ARK2C: variants seen among roughly 807,000 people sequenced by gnomAD.
The protein encoded by ARK2C is arkadia (RNF111) C-terminal like ring finger ubiquitin ligase 2C.
chr18:46,422,475 G>C, the ARK2C span, among the ~76,000 whole-genome samples: 9 of 152,234 alleles, frequency 5.9e-5, no homozygotes, highest in African/African-American at 1.9e-4. Flanking sequence ...ATGTTGAGTA[G>C]AACGTGAAGT....
At chr18:46,336,376 C>T in the ARK2C span, 31 of 972,500 alleles carry the variant, frequency 3.2e-5, no homozygotes, top group East Asian at 1.2e-4. Context: ...CTCCCTCACC[C>T]CCCCCAACAA....
At chr18:46,435,486 C>G in the ARK2C span, 1 of 1,021,918 alleles carries the variant, frequency 9.8e-7, no homozygotes, top group Non-Finnish European at 1.5e-6. Context: ...TTTTCCTTCA[C>G]TTTGAATGGC....
At chr18:46,397,394 G>A in the ARK2C span, among the ~76,000 whole-genome samples, 5 of 151,566 alleles carry the variant, frequency 3.3e-5, no homozygotes, top group Non-Finnish European at 5.9e-5. Context: ...TGGTCATGCT[G>A]AGGTGTGAGG....
chr18:46,381,524 A>G, the ARK2C span, among the ~76,000 whole-genome samples: 1 of 152,132 alleles, frequency 6.6e-6, no homozygotes, highest in African/African-American at 2.4e-5. Flanking sequence ...TCCTGGAGGG[A>G]AAAACATCCT....
chr18:46,419,051 C>G, the ARK2C span, among the ~76,000 whole-genome samples: 1 of 152,220 alleles, frequency 6.6e-6, no homozygotes, highest in Non-Finnish European at 1.5e-5. Context: ...AGTGGGAACG[C>G]TATTACTGGA....
the ARK2C span, among the ~76,000 whole-genome samples, chr18:46,413,027 T>C: frequency 6.6e-6 from 1 of 152,070 alleles, no homozygotes; most frequent in African/African-American, 2.4e-5. Context: ...CTGGAGGAGT[T>C]CCAGGAGTCT....
the ARK2C span, among the ~76,000 whole-genome samples, chr18:46,353,083 C>T: frequency 9.9e-5 from 15 of 152,192 alleles, no homozygotes; most frequent in Admixed American, 7.2e-4. Context: ...CGGCCTGTGG[C>T]GATTGGATGT....
At chr18:46,443,098 T>C in the ARK2C span, among the ~76,000 whole-genome samples, 5 of 152,312 alleles carry the variant, frequency 3.3e-5, no homozygotes, top group East Asian at 3.8e-4. Context: ...TGTCTGTTAA[T>C]TGGGGTGTCT....
chr18:46,348,900 CTGTGTGTGTGTGTG>C, the ARK2C span, among the ~76,000 whole-genome samples: 103 of 144,688 alleles, frequency 7.1e-4, 4 homozygotes, highest in East Asian at 0.011. Flanking sequence ...CTCTCTCTTT[CTGTGTGTGTGTGTG>C]TGTGTGTGTG....
the ARK2C span, among the ~76,000 whole-genome samples, chr18:46,357,218 C>T: frequency 2.6e-5 from 4 of 152,318 alleles, no homozygotes; most frequent in South Asian, 4.1e-4. Context: ...TTCCTCCCAC[C>T]TCACCCTTGC....
chr18:46,404,838 A>G, the ARK2C span, among the ~76,000 whole-genome samples: 1 of 152,054 alleles, frequency 6.6e-6, no homozygotes, highest in Admixed American at 6.6e-5. Flanking sequence ...AAACAACTCA[A>G]TGAAGTAGGG....
chr18:46,338,807 A>G, the ARK2C span, among the ~76,000 whole-genome samples: 1 of 152,202 alleles, frequency 6.6e-6, no homozygotes, highest in Non-Finnish European at 1.5e-5. Context: ...TCAAAGGGTC[A>G]TCATTTTGGA....
At chr18:46,400,938 T>G in the ARK2C span, among the ~76,000 whole-genome samples, 1 of 151,870 alleles carries the variant, frequency 6.6e-6, no homozygotes. Flanking sequence ...CAGGTGGAAG[T>G]GGTGGGAGAT....
the ARK2C span, chr18:46,450,590 T>C: frequency 3.5e-6 from 3 of 864,640 alleles, no homozygotes; most frequent in South Asian, 1.5e-5. Flanking sequence ...GAGTTCTTCC[T>C]GATAGCTATG....
At chr18:46,458,746 T>C in the ARK2C span, 1 of 152,230 alleles carries the variant, frequency 6.6e-6, no homozygotes, top group East Asian at 1.9e-4. Context: ...AAAATCTTTA[T>C]TGAGTGCCTA....
the ARK2C span, chr18:46,447,629 T>C: frequency 1.2e-6 from 2 of 1,614,086 alleles, no homozygotes; most frequent in Non-Finnish European, 1.7e-6. Flanking sequence ...CTCAGCACTA[T>C]CAGCATTACC....
the ARK2C span, among the ~76,000 whole-genome samples, chr18:46,407,568 T>C: frequency 5.3e-5 from 8 of 152,164 alleles, no homozygotes; most frequent in Non-Finnish European, 1.2e-4. Flanking sequence ...TTTTGTTTTG[T>C]TTTGTTTTGT....
the ARK2C span, among the ~76,000 whole-genome samples, chr18:46,407,401 T>G: frequency 2.0e-5 from 3 of 152,214 alleles, no homozygotes; most frequent in African/African-American, 7.2e-5. Context: ...GTTTTCTCTT[T>G]CTTTGTGACA....
chr18:46,338,492 G>C, the ARK2C span, among the ~76,000 whole-genome samples: 1 of 152,200 alleles, frequency 6.6e-6, no homozygotes, highest in South Asian at 2.1e-4. Flanking sequence ...TTAAGAGAAA[G>C]ACAGCTAAGA....
Sources: gnomAD v4.1 joint callset for allele counts (sites outside exome capture counted in the v4.1 genomes callset) on GRCh38, gnomAD v4.1.1 for gene constraint, MANE v1.5 for transcripts, NCBI Gene and HGNC (gene_info 2026-07-23, HGNC 2026-07-21) for gene names.